The following ZNF366 variants were observed in gnomAD, a reference collection of about 807,000 sequenced individuals.
ZNF366 encodes zinc finger protein 366, also known as dendritic cell-specific transcript protein.
Under a neutral mutation model 47.2 loss-of-function variants are expected in ZNF366, and 20 were observed. The observed-to-expected ratio is 0.42, with a 90% CI of 0.30 to 0.62. The LOEUF (loss-of-function observed/expected upper bound fraction) is 0.62. Ranked by LOEUF, ZNF366 falls within the 20% of genes least tolerant of loss-of-function variation. The pLI is 0.16. For missense variants in ZNF366, 987 were observed against 976.3 expected (o/e 1.01, Z -0.15); for synonymous variants, 421 against 395.1 (o/e 1.07, Z -0.78).
chr5:72,501,719 C>T (rs566778716), intron 1 of ZNF366, among the ~76,000 whole-genome samples: 2 of 152,296 alleles, frequency 1.3e-5, no homozygotes, highest in East Asian at 1.9e-4. Context: ...GATCCTGGCT[C>T]ACAGCTCTTT....
intron 1 of ZNF366, among the ~76,000 whole-genome samples, chr5:72,497,862 T>C (rs1038583219): frequency 2.6e-5 from 4 of 152,334 alleles, no homozygotes; most frequent in East Asian, 3.9e-4. Context: ...AATTAAAATA[T>C]CTTTTATTTT....
intron 1 of ZNF366, among the ~76,000 whole-genome samples, chr5:72,500,348 C>G (rs1265659716): frequency 6.6e-6 from 1 of 152,054 alleles, no homozygotes; most frequent in Admixed American, 6.6e-5. Context: ...ACTACCCTCC[C>G]TGGGGGCTTC....
rs767197024 is a variant in ZNF366, at chr5:72,444,280, C to T, written c.1711G>A (p.Gly571Arg). 1.4e-5 allele frequency: 22 copies of T among 1,610,098 alleles called. No individual in the cohort carries two copies. The highest frequency in any genetic ancestry group is 1.8e-5 in the Non-Finnish European group (21 of 1,178,060). The change falls in exon 5 of 5, where the codon GGG (glycine) becomes AGG (arginine). Residue 571 changes from glycine to arginine, a missense_variant. Around this residue, in one of 3 missense-constraint regions of ZNF366, gnomAD observed 285 missense variants for 234.8 expected, o/e 1.21. Transcript: ENST00000318442. ...RGLHSQGLGRGRIALAQTAGV... is the reference protein window; with the variant it reads ...RGLHSQGLGRRRIALAQTAGV... ...GCTGTCTGTGCCAGGGCGATTCTCC[C>T]CCTTCCCAGACCTGCAAGAGCAGAG...
intron 3 of ZNF366, among the ~76,000 whole-genome samples, chr5:72,449,683 A>T (rs1743027085): frequency 6.6e-6 from 1 of 152,230 alleles, no homozygotes; most frequent in South Asian, 2.1e-4. Flanking sequence ...TATAACCAGT[A>T]TTTGGTTCAG....
chr5:72,502,903 C>G (rs949582917), intron 1 of ZNF366, among the ~76,000 whole-genome samples: 2 of 152,118 alleles, frequency 1.3e-5, no homozygotes, highest in Non-Finnish European at 2.9e-5. Flanking sequence ...GCAGGTGGAT[C>G]ACTTGAGGTC....
In ZNF366 at chr5:72,502,641, C is replaced by G. The variant is rs112694979; in HGVS notation, c.-15+4610G>C. Among the ~76,000 whole-genome samples the G allele has an allele frequency of 6.2e-3, 944 of 152,126 alleles. 4 individuals are homozygous for G. Among genetic ancestry groups the G allele is most frequent in the Non-Finnish European group, 0.011 (726 of 68,008 alleles). On this transcript the variant is annotated intron_variant, in intron 1 of 4. Transcript: ENST00000318442. ...TTCTACATCACCATTAAATTAGGGA[C>G]AAGGATCTAACTTGTAAAATAGGCT...
chr5:72,482,942 G>A (rs139836873), intron 1 of ZNF366, among the ~76,000 whole-genome samples: 60 of 152,176 alleles, frequency 3.9e-4, no homozygotes, highest in African/African-American at 1.1e-3. Context: ...CATTTGCACC[G>A]TATGTTAGTA....
At chr5:72,448,625 G>A (rs1005177706) in intron 3 of ZNF366, among the ~76,000 whole-genome samples, 9 of 152,306 alleles carry the variant, frequency 5.9e-5, no homozygotes, top group Admixed American at 2.6e-4. Context: ...TATGTAGTGA[G>A]AGAGGCCACA....
At chr5:72,504,639 C>T (rs527921404) in intron 1 of ZNF366, among the ~76,000 whole-genome samples, 1 of 152,298 alleles carries the variant, frequency 6.6e-6, no homozygotes, top group Non-Finnish European at 1.5e-5. Context: ...GGAATAATAT[C>T]TGCTCTGATA....
rs1743707948 is a variant in ZNF366 at position 72,477,929 on chromosome 5, T to C, written c.-14-16419A>G. On this transcript the variant is annotated intron_variant, in intron 1 of 4. Coordinates refer to ENST00000318442, the MANE Select transcript of ZNF366 (RefSeq NM_152625.3). ...CTGAGGTCTATAGTTTGCCAATTTC[T>C]GCTCTTAGTCATGACATAAGAACTA... 2.0e-5 allele frequency among the ~76,000 whole-genome samples: 3 copies of C among 152,236 alleles called. No homozygotes were observed. The South Asian group carries it at 6.2e-4, about 31-fold the overall frequency.
At chr5:72,466,883 G>C (rs1241971474) in intron 1 of ZNF366, among the ~76,000 whole-genome samples, 1 of 152,196 alleles carries the variant, frequency 6.6e-6, no homozygotes, top group East Asian at 1.9e-4. Context: ...CTCAGATTCA[G>C]GGTAAGCCCT....
intron 1 of ZNF366, among the ~76,000 whole-genome samples, chr5:72,468,188 A>G (rs1199484928): frequency 6.6e-6 from 1 of 152,196 alleles, no homozygotes; most frequent in East Asian, 1.9e-4. Flanking sequence ...GTCTCAAAAG[A>G]TAGCTGGCAA....
chr5:72,460,436 G>A lies in ZNF366; in HGVS notation c.1061C>T (p.Ala354Val), dbSNP rs370359641. The change falls in exon 2 of 5, where the codon GCC (alanine) becomes GTC (valine). Residue 354 changes from alanine (A) to valine (V), a missense_variant. By Grantham distance (64) the Ala-to-Val change is moderately conservative. Transcript: ENST00000318442. ...RGFAYPSELKAHEAKHASGRE... is the reference protein window; with the variant it reads ...RGFAYPSELKVHEAKHASGRE... ...CCCACTGGCGTGCTTGGCTTCGTGG[G>A]CCTTGAGCTCGCTGGGGTAGGCAAA... 211 of 1,614,040 alleles carry A rather than the reference G, an allele frequency of 1.3e-4. No homozygotes were observed. The highest frequency in any genetic ancestry group is 1.7e-4 in the Non-Finnish European group (203 of 1,180,030).
At chr5:72,479,961 A>AT (rs1256124757) in intron 1 of ZNF366, among the ~76,000 whole-genome samples, 3 of 152,194 alleles carry the variant, frequency 2.0e-5, no homozygotes, top group African/African-American at 7.2e-5. Context: ...GAAAAAACAG[A>AT]TATATTTAAG....
At position 72,455,460 on chromosome 5, in the gene ZNF366, C is replaced by A. The variant is rs887776116; in HGVS notation, c.1524+944G>T. Among the ~76,000 whole-genome samples the A allele has an allele frequency of 5.8e-4, 89 of 152,208 alleles. 1 individual carries two copies. Among genetic ancestry groups the A allele is most frequent in the Admixed American group, 3.3e-4 (5 of 15,290 alleles). On this transcript the variant is annotated intron_variant, in intron 3 of 4. Coordinates refer to ENST00000318442, the MANE Select transcript of ZNF366 (RefSeq NM_152625.3). ...TCAAACAGAAGGGCTGTAACGATAT[C>A]TGAATGTGGTAATTTCCCTCTTCTT...
intron 3 of ZNF366, among the ~76,000 whole-genome samples, chr5:72,448,266 G>A (rs1272987955): frequency 1.3e-5 from 2 of 152,214 alleles, no homozygotes; most frequent in African/African-American, 2.4e-5. Context: ...TGTACAGGAA[G>A]TAAGCATGTT....
intron 1 of ZNF366, among the ~76,000 whole-genome samples, chr5:72,497,913 G>A (rs1744143982): frequency 1.3e-5 from 2 of 152,092 alleles, no homozygotes; most frequent in African/African-American, 2.4e-5. Context: ...TTTATGTGAA[G>A]TATGTGTTTC....
chr5:72,444,399 T>TA, intron 4 of ZNF366, 108 bp from the exon 5 acceptor site: 1 of 1,215,492 alleles, frequency 8.2e-7, no homozygotes, highest in Non-Finnish European at 1.1e-6. Context: ...ATGCGTATTT[T>TA]AAAAATAGAT....
chr5:72,495,332 A>C (rs529116035), intron 1 of ZNF366, among the ~76,000 whole-genome samples: 1 of 152,272 alleles, frequency 6.6e-6, no homozygotes, highest in South Asian at 2.1e-4. Flanking sequence ...TCCTACCCAA[A>C]GAGGGGATGC....
Sources: gnomAD v4.1 joint callset for allele counts (sites outside exome capture counted in the v4.1 genomes callset) on GRCh38, gnomAD v4.1.1 for gene constraint, gnomAD v4.1.1 regional missense constraint, MANE v1.5 for transcripts, NCBI Gene and HGNC (gene_info 2026-07-23, HGNC 2026-07-21) for gene names.